BMAL1: variants seen among roughly 807,000 people sequenced by gnomAD.
BMAL1 encodes basic helix-loop-helix ARNT-like protein 1.
the BMAL1 span, chr11:13,380,209 T>G: frequency 6.6e-6 from 1 of 152,208 alleles, no homozygotes; most frequent in Non-Finnish European, 1.5e-5. Flanking sequence ...CGTTTGTGCA[T>G]GCTGAGAATA....
chr11:13,386,829 C>A, the BMAL1 span: 1 of 1,544,342 alleles, frequency 6.5e-7, no homozygotes. Context: ...GTCTGTGAAG[C>A]TTACTGGATA....
At chr11:13,352,151 G>A in the BMAL1 span, among the ~76,000 whole-genome samples, 1 of 152,132 alleles carries the variant, frequency 6.6e-6, no homozygotes, top group Admixed American at 6.5e-5. Flanking sequence ...TGGTAGGTGT[G>A]CACCTGCCTC....
At chr11:13,375,082 G>A in the BMAL1 span, among the ~76,000 whole-genome samples, 20 of 152,278 alleles carry the variant, frequency 1.3e-4, no homozygotes, top group East Asian at 3.5e-3. Context: ...TCCCTGTATA[G>A]CCTTCCCTCA....
the BMAL1 span, among the ~76,000 whole-genome samples, chr11:13,335,650 A>G: frequency 6.6e-6 from 1 of 152,230 alleles, no homozygotes; most frequent in South Asian, 2.1e-4. Context: ...GACTCCAATT[A>G]ACACATAAAC....
chr11:13,289,607 C>G, the BMAL1 span, among the ~76,000 whole-genome samples: 2 of 152,172 alleles, frequency 1.3e-5, no homozygotes, highest in African/African-American at 4.8e-5. Context: ...TGTTCAGTTC[C>G]CACCTATAAG....
the BMAL1 span, among the ~76,000 whole-genome samples, chr11:13,338,004 C>T: frequency 3.3e-5 from 5 of 152,052 alleles, no homozygotes; most frequent in African/African-American, 1.2e-4. Flanking sequence ...GAAAAAAAAG[C>T]CTGGTGTGTG....
At chr11:13,355,927 AAGG>A in the BMAL1 span, among the ~76,000 whole-genome samples, 1 of 152,126 alleles carries the variant, frequency 6.6e-6, no homozygotes, top group Admixed American at 6.5e-5. Flanking sequence ...ATAAAGGAAA[AAGG>A]AGAGAGGCCC....
At chr11:13,277,843 T>C in the BMAL1 span, 10 of 152,272 alleles carry the variant, frequency 6.6e-5, no homozygotes, top group Non-Finnish European at 8.8e-5. Flanking sequence ...GAGGTGCCTG[T>C]TTACCCGCGC....
the BMAL1 span, among the ~76,000 whole-genome samples, chr11:13,331,890 C>T: frequency 6.6e-6 from 1 of 152,180 alleles, no homozygotes; most frequent in Non-Finnish European, 1.5e-5. Flanking sequence ...CTGTGAAAGC[C>T]TCTGGAGAAG....
the BMAL1 span, among the ~76,000 whole-genome samples, chr11:13,312,306 A>G: frequency 6.6e-6 from 1 of 152,210 alleles, no homozygotes; most frequent in Admixed American, 6.5e-5. Flanking sequence ...CCGGGTCTGT[A>G]TAATCCCTGG....
At chr11:13,325,259 T>C in the BMAL1 span, among the ~76,000 whole-genome samples, 1 of 152,194 alleles carries the variant, frequency 6.6e-6, no homozygotes, top group Admixed American at 6.5e-5. Flanking sequence ...CAGCCTCCCC[T>C]GTTCCATTTT....
chr11:13,386,613 G>T, the BMAL1 span: 1 of 1,613,826 alleles, frequency 6.2e-7, no homozygotes, highest in Non-Finnish European at 8.5e-7. Flanking sequence ...CCCCCACATA[G>T]GTATAGACAT....
the BMAL1 span, chr11:13,353,544 G>A: frequency 2.0e-5 from 3 of 152,338 alleles, no homozygotes; most frequent in East Asian, 3.9e-4. Flanking sequence ...GCAGCCAGCC[G>A]TGGTGGCTCA....
chr11:13,382,292 A>G, the BMAL1 span, among the ~76,000 whole-genome samples: 21 of 82,008 alleles, frequency 2.6e-4, no homozygotes, highest in African/African-American at 6.3e-4. Flanking sequence ...GTAAGACTAC[A>G]AAGTAAGACC....
At chr11:13,278,083 G>A in the BMAL1 span, among the ~76,000 whole-genome samples, 1 of 152,064 alleles carries the variant, frequency 6.6e-6, no homozygotes, top group African/African-American at 2.4e-5. Context: ...TAAAGGGCCC[G>A]TGACCGCTCC....
chr11:13,295,738 T>C, the BMAL1 span, among the ~76,000 whole-genome samples: 17 of 152,196 alleles, frequency 1.1e-4, no homozygotes, highest in Non-Finnish European at 1.3e-4. Flanking sequence ...AGAGTCCAGA[T>C]TTATGCATGC....
the BMAL1 span, among the ~76,000 whole-genome samples, chr11:13,301,129 G>A: frequency 1.2e-3 from 180 of 152,232 alleles, 3 homozygotes; most frequent in African/African-American, 3.8e-3. Flanking sequence ...TAGAAATGGG[G>A]TTTCACCATG....
At chr11:13,276,674 AG>A in the BMAL1 span, 1 of 152,228 alleles carries the variant, frequency 6.6e-6, no homozygotes, top group Admixed American at 6.5e-5. Context: ...CAGGCGCTAA[AG>A]GAGAGCTGAC....
the BMAL1 span, among the ~76,000 whole-genome samples, chr11:13,314,942 TG>T: frequency 6.6e-6 from 1 of 152,206 alleles, no homozygotes; most frequent in Admixed American, 6.5e-5. Flanking sequence ...GCTAGCACAA[TG>T]CACCTAGCCA....
Sources: gnomAD v4.1 joint callset for allele counts (sites outside exome capture counted in the v4.1 genomes callset) on GRCh38, gnomAD v4.1.1 for gene constraint, MANE v1.5 for transcripts, NCBI Gene and HGNC (gene_info 2026-07-23, HGNC 2026-07-21) for gene names.